NRAP: variants seen among roughly 807,000 people sequenced by gnomAD.
The protein encoded by NRAP is nebulin-related-anchoring protein.
Under a neutral mutation model 225.9 loss-of-function variants are expected in NRAP, and 189 were observed. The observed-to-expected ratio is 0.84, with a 90% CI of 0.74 to 0.94. The LOEUF is 0.94. Among genes scored for constraint, NRAP ranks in the 40% least tolerant of loss-of-function variants. The probability of loss-of-function intolerance (pLI) is 0.00; values close to 1 mark genes in which losing one functional copy is unlikely to be tolerated. For synonymous variants in NRAP, 769 were observed against 790.7 expected, an observed-to-expected ratio of 0.97 and a Z score of 0.46; for missense variants, 2,176 against 2,168.7, an observed-to-expected ratio of 1.00 and a Z score of -0.07.
intron 20 of NRAP, among the ~76,000 whole-genome samples, chr10:113,626,372 C>G (rs1268135493): frequency 6.6e-6 from 1 of 152,164 alleles, no homozygotes; most frequent in African/African-American, 2.4e-5. Context: ...TAATTTTCTT[C>G]CTCAGTAACC....
chr10:113,620,443 C>T (rs907911757), intron 25 of NRAP, among the ~76,000 whole-genome samples, 161 bp downstream of exon 25: 1 of 152,132 alleles, frequency 6.6e-6, no homozygotes, highest in South Asian at 2.1e-4. Flanking sequence ...GTGTTTCGTA[C>T]GTGGTTTCCC....
intron 3 of NRAP, 113 bp downstream of exon 3, chr10:113,662,566 G>A: frequency 1.4e-6 from 1 of 700,888 alleles, no homozygotes; most frequent in South Asian, 1.7e-5. Flanking sequence ...GGAATTGTAG[G>A]TGTGAGCCAC....
At chr10:113,601,262 G>A (rs1342907550) in intron 35 of NRAP, among the ~76,000 whole-genome samples, 4 of 152,226 alleles carry the variant, frequency 2.6e-5, no homozygotes, top group Non-Finnish European at 2.9e-5. Context: ...GTCCCCTCTG[G>A]CCCTACCCAG....
Position 113,632,703 on chromosome 10 carries a change from G to C in NRAP, c.1632+381C>G. 1.3e-5 allele frequency among the ~76,000 whole-genome samples: 2 copies of C among 152,174 alleles called. 1 individual carries two copies. Among genetic ancestry groups the C allele is most frequent in the Admixed American group, 1.3e-4 (2 of 15,284 alleles). ...GCCCCCAAAATTCCATCTAGAGTTA[G>C]AAGCCAATTCATAGCCCACTTGTGA... is the stretch of plus-strand genomic sequence containing the variant. On this transcript the variant is annotated intron_variant, in intron 16 of 41. Coordinates refer to ENST00000359988, the MANE Select transcript of NRAP (RefSeq NM_198060.4).
chr10:113,658,429 T>C (rs10885490), intron 3 of NRAP, among the ~76,000 whole-genome samples: 25,303 of 152,070 alleles, frequency 0.17, 2,302 homozygotes, highest in African/African-American at 0.25. Context: ...ATAGATTAAT[T>C]GGGGGAAAAC....
At chr10:113,622,297 G>T in intron 23 of NRAP, 117 bp from the exon 24 acceptor site, 1 of 685,422 alleles carries the variant, frequency 1.5e-6, no homozygotes, top group Non-Finnish European at 2.5e-6. Flanking sequence ...ATTAGAATTA[G>T]AATCATATGA....
In NRAP at chr10:113,604,516, C is replaced by T. The variant is rs941873418; in HGVS notation, c.4227+93G>A. 1.0e-5 allele frequency: 12 copies of T among 1,147,128 alleles called. No individual in the cohort carries two copies. The African/African-American group carries it at 1.8e-4, about 18-fold the overall frequency. 71.1% of individuals were successfully genotyped at this position (1,147,128 alleles called of 1,614,324 possible). ...GAAGGCAGATAGGGGCAGGAGAGCC[C>T]AAAAGACTAAGGAAGAAGCAGAGAT... On this transcript the variant is annotated intron_variant, in intron 35 of 41. Coordinates refer to ENST00000359988, the MANE Select transcript of NRAP (RefSeq NM_198060.4).
intron 23 of NRAP, 78 bp from the exon 24 acceptor site, chr10:113,622,258 G>A (rs1848042896): frequency 2.1e-6 from 2 of 969,896 alleles, no homozygotes; most frequent in Non-Finnish European, 3.2e-6. Context: ...ATGCATGGGA[G>A]CTGAAACAAA....
chr10:113,610,305 G>A (rs972467574), intron 31 of NRAP, among the ~76,000 whole-genome samples, 154 bp downstream of exon 31: 6 of 149,222 alleles, frequency 4.0e-5, no homozygotes, highest in South Asian at 2.1e-4. Flanking sequence ...AGCAGAGATC[G>A]TGCCACTCTA....
intron 36 of NRAP, among the ~76,000 whole-genome samples, chr10:113,597,453 C>G (rs1846348415): frequency 6.6e-6 from 1 of 152,114 alleles, no homozygotes; most frequent in Non-Finnish European, 1.5e-5. Flanking sequence ...CAGTAAAGGG[C>G]AGTATTCAGC....
chr10:113,645,907 C>A lies in NRAP; in HGVS notation c.1028G>T (p.Gly343Val). 2 of 1,599,776 alleles carry A rather than the reference C, an allele frequency of 1.3e-6. No individual in the cohort carries two copies. The highest frequency in any genetic ancestry group is 1.7e-6 in the Non-Finnish European group (2 of 1,171,988). ...KYRQDFNKMKGAAHYHSLPAQ... is the reference protein window; with the variant it reads ...KYRQDFNKMKVAAHYHSLPAQ... ...TGGAAGCGAGTGATAATGTGCAGCGCCTTTCATCTTATTGAAGTCCTGCCT... is the reference window on the plus strand; with the variant it reads ...TGGAAGCGAGTGATAATGTGCAGCGACTTTCATCTTATTGAAGTCCTGCCT... Residue 343 changes from glycine to valine, a missense_variant, in exon 11 of 42, where the codon GGC (glycine) becomes GTC (valine). By Grantham distance (109) the Gly-to-Val change is moderately radical. Transcript: ENST00000359988.
chr10:113,604,544 A>T, intron 35 of NRAP, 65 bp downstream of exon 35: 1 of 1,437,174 alleles, frequency 7.0e-7, no homozygotes, highest in Non-Finnish European at 9.6e-7. Flanking sequence ...GCAGAGATTG[A>T]CACCCGGGTT....
Position 113,657,554 on chromosome 10 carries a change from AC to A in NRAP, c.275del (p.Gly92ValfsTer12). On this transcript the variant is annotated frameshift_variant, in exon 4 of 42. Transcript: ENST00000359988. LOFTEE classifies it high-confidence loss of function. Reference protein sequence around the residue: ...AISGIHDQEDGEQCKSVFHWD... With the variant: ...AISGIHDQEDXEQCKSVFHWD... ...AGTGAAAAACTGATTTACACTGTTC[AC>A]CATCTTCTTGGTCATGGATCTGCTC... is the stretch of plus-strand genomic sequence containing the variant. 6.3e-7 allele frequency: 1 copy of A among 1,592,224 alleles called. No homozygotes were observed.
In NRAP at chr10:113,621,986, G is replaced by T. The variant is rs780047043; in HGVS notation, c.2652C>A (p.Arg884=). ...CGTCTGTGGCTAAATGCTGAGCTTT[G>T]CGGGCATGCACGAGGTGGACCATGT... is the stretch of plus-strand genomic sequence containing the variant. ...SLDMVHLVHA[R]KAQHLATDVG... is the part of the protein sequence containing the mutation. Residue 884 remains arginine, a synonymous_variant, in exon 24 of 42, where the codon CGC becomes CGA. Coordinates refer to ENST00000359988, the MANE Select transcript of NRAP (RefSeq NM_198060.4). 9 of 1,614,086 alleles carry T rather than the reference G, an allele frequency of 5.6e-6. No homozygotes were observed. In the African/African-American group the frequency reaches 1.1e-4, roughly 19 times the overall value.
intron 12 of NRAP, among the ~76,000 whole-genome samples, chr10:113,642,002 T>C (rs2419855): frequency 0.55 from 84,237 of 152,020 alleles, 24,586 homozygotes; most frequent in East Asian, 0.73. Flanking sequence ...ATGCCACTTA[T>C]CAAATAAAGA....
chr10:113,643,151 C>A, intron 11 of NRAP, 113 bp from the exon 12 acceptor site: 1 of 597,760 alleles, frequency 1.7e-6, no homozygotes, highest in Non-Finnish European at 3.0e-6. Flanking sequence ...AAGATTTTAA[C>A]ATATCAAGCA....
Position 113,663,796 on chromosome 10 carries a change from G to C in NRAP, c.72+15C>G. The C allele has an allele frequency of 1.3e-6, 2 of 1,599,504 alleles. No homozygotes were observed. The highest frequency in any genetic ancestry group is 1.7e-6 in the Non-Finnish European group (2 of 1,166,984). ...GTTTGTTATTATTCACAAAAGCCAAGAAATGTCTACTGACCTGATCTATAC... is the reference window on the plus strand; with the variant it reads ...GTTTGTTATTATTCACAAAAGCCAACAAATGTCTACTGACCTGATCTATAC... On this transcript the variant is annotated intron_variant, in intron 1 of 41. Transcript: ENST00000359988.
chr10:113,605,381 C>T lies in NRAP; in HGVS notation c.3915+381G>A, dbSNP rs558051475. Among the ~76,000 whole-genome samples the T allele has an allele frequency of 7.2e-5, 11 of 152,292 alleles. No homozygotes were observed. In the South Asian group the frequency reaches 2.3e-3, roughly 32 times the overall value. ...CAGCCATCAAATCCTAACACCAATGCGTGAAACTACAGAGAGCCAAGAGGG... is the reference window on the plus strand; with the variant it reads ...CAGCCATCAAATCCTAACACCAATGTGTGAAACTACAGAGAGCCAAGAGGG... On this transcript the variant is annotated intron_variant, in intron 34 of 41. Coordinates refer to ENST00000359988, the MANE Select transcript of NRAP (RefSeq NM_198060.4).
At position 113,612,445 on chromosome 10, in the gene NRAP, C is replaced by G. The variant is rs553800360; in HGVS notation, c.3301-14G>C. On this transcript the variant is annotated splice_polypyrimidine_tract_variant and intron_variant, in intron 29 of 41. Coordinates refer to ENST00000359988, the MANE Select transcript of NRAP (RefSeq NM_198060.4). ...CTTGTAATTCACCTAGAGGGGCAGA[C>G]AGAGCAACAGCAGCTATTTCAAAGC... 4 of 1,608,706 alleles carry G rather than the reference C, an allele frequency of 2.5e-6. No individual in the cohort carries two copies. The highest frequency in any genetic ancestry group is 2.6e-6 in the Non-Finnish European group (3 of 1,175,722).
Sources: allele counts gnomAD v4.1 joint callset (sites outside exome capture counted in the v4.1 genomes callset), GRCh38; gene constraint gnomAD v4.1.1; transcripts MANE v1.5; gene names NCBI Gene and HGNC (gene_info 2026-07-23, HGNC 2026-07-21).